The following PDZD2 variants were observed in gnomAD, a reference collection of about 807,000 sequenced individuals.
PDZD2 encodes the protein PDZ domain containing 2, also known as PDZ domain-containing protein 2.
In PDZD2, 90 loss-of-function variants were observed where a neutral mutation model predicts 220.7. That is an observed-to-expected ratio of 0.41 (90% CI 0.34 to 0.49). PDZD2 has a LOEUF of 0.49. Ranked by LOEUF, PDZD2 falls within the 20% of genes least tolerant of loss-of-function variation. The probability of loss-of-function intolerance (pLI) is 0.28; values close to 1 mark genes in which losing one functional copy is unlikely to be tolerated. For synonymous variants in PDZD2, 1,375 were observed against 1,450.5 expected (o/e 0.95, Z 1.18); for missense variants, 3,174 against 3,608.5 (o/e 0.88, Z 3.08).
intron 1 of PDZD2, among the ~76,000 whole-genome samples, chr5:31,703,230 T>G (rs1747673749): frequency 6.6e-6 from 1 of 152,200 alleles, no homozygotes; most frequent in African/African-American, 2.4e-5. Context: ...CCAACCCAAA[T>G]GCCCATTGAT....
chr5:31,856,227 C>T (rs1165346980), intron 2 of PDZD2, among the ~76,000 whole-genome samples: 1 of 152,096 alleles, frequency 6.6e-6, no homozygotes, highest in African/African-American at 2.4e-5. Flanking sequence ...TGTAGGCCTC[C>T]GTGGCTCCTT....
At chr5:31,725,876 CT>C in intron 1 of PDZD2, 1 of 762,386 alleles carries the variant, frequency 1.3e-6, no homozygotes, top group Non-Finnish European at 2.4e-6. Flanking sequence ...TCCAGTTGGT[CT>C]TTTTCTAGGA....
rs3843900 is a variant in PDZD2, at chr5:32,079,089, G to A, written c.3682+1483G>A. Among the ~76,000 whole-genome samples the A allele has an allele frequency of 7.0e-3, 1,066 of 151,318 alleles. 42 individuals carry two copies. Among genetic ancestry groups the A allele is most frequent in the Admixed American group, 0.065 (989 of 15,148 alleles). On this transcript the variant is annotated intron_variant, in intron 19 of 24. Coordinates refer to ENST00000438447, the MANE Select transcript of PDZD2 (RefSeq NM_178140.4). ...AGCCTGGCCAACATAGTGAAATCTC[G>A]CCTCTACTAAACATAAAAAAATTAG...
intron 1 of PDZD2, among the ~76,000 whole-genome samples, chr5:31,680,197 A>G (rs1170743217): frequency 6.6e-6 from 1 of 152,086 alleles, no homozygotes; most frequent in African/African-American, 2.4e-5. Flanking sequence ...GGGCTCGGGG[A>G]GGACAAGGCC....
intron 5 of PDZD2, among the ~76,000 whole-genome samples, chr5:32,009,407 T>A (rs1283182927): frequency 2.6e-5 from 4 of 151,672 alleles, no homozygotes; most frequent in African/African-American, 9.7e-5. Context: ...TTAGACAGCA[T>A]CCTGAAAGCA....
At chr5:31,885,017 G>A (rs960160653) in intron 2 of PDZD2, among the ~76,000 whole-genome samples, 3 of 151,978 alleles carry the variant, frequency 2.0e-5, no homozygotes, top group Admixed American at 6.6e-5. Context: ...TAAAGTGATA[G>A]ACCAAGAGAA....
intron 2 of PDZD2, among the ~76,000 whole-genome samples, chr5:31,815,245 C>CAAAAAAAAAAAAAAAAAAAAAA (rs59040987): frequency 8.6e-5 from 5 of 57,938 alleles, no homozygotes; most frequent in African/African-American, 3.4e-4. Flanking sequence ...AACTCTGTCT[C>CAAAAAAAAAAAAAAAAAAAAAA]AAAAAAAAAA....
intron 2 of PDZD2, among the ~76,000 whole-genome samples, chr5:31,877,261 G>A (rs934449773): frequency 7.0e-4 from 107 of 152,178 alleles, no homozygotes; most frequent in African/African-American, 2.3e-3. Context: ...TGTCACCCAG[G>A]CTGGAGTGCA....
intron 2 of PDZD2, among the ~76,000 whole-genome samples, chr5:31,978,721 A>G (rs1470533562): frequency 6.6e-6 from 1 of 151,860 alleles, no homozygotes; most frequent in Non-Finnish European, 1.5e-5. Context: ...TCTCAAAAAA[A>G]AAAAAAAGAA....
At chr5:31,855,074 C>A in intron 2 of PDZD2, 1 of 985,288 alleles carries the variant, frequency 1.0e-6, no homozygotes. Flanking sequence ...CGGAGACCGG[C>A]CTGGCGAGCG....
chr5:32,073,452 C>T (rs1740944985), intron 17 of PDZD2, among the ~76,000 whole-genome samples: 1 of 152,194 alleles, frequency 6.6e-6, no homozygotes, highest in Admixed American at 6.5e-5. Flanking sequence ...GACATGTCAT[C>T]AGTCCCCAGG....
chr5:31,855,133 G>A, intron 2 of PDZD2: 1 of 984,722 alleles, frequency 1.0e-6, no homozygotes, highest in South Asian at 4.7e-5. Flanking sequence ...AGGAGCTCCG[G>A]AGAGGAACCC....
chr5:31,689,873 T>C (rs1747048630), intron 1 of PDZD2, among the ~76,000 whole-genome samples: 1 of 152,164 alleles, frequency 6.6e-6, no homozygotes, highest in Admixed American at 6.5e-5. Context: ...TAGTCAATGC[T>C]GAAGGGTCTC....
At chr5:31,988,098 GC>G (rs1247517265) in intron 3 of PDZD2, among the ~76,000 whole-genome samples, 1 of 152,146 alleles carries the variant, frequency 6.6e-6, no homozygotes, top group Non-Finnish European at 1.5e-5. Context: ...TGTCCCAACT[GC>G]CACCAGAGGG....
chr5:31,737,166 T>C (rs1431875550), intron 1 of PDZD2, among the ~76,000 whole-genome samples: 1 of 137,242 alleles, frequency 7.3e-6, no homozygotes. Context: ...GCAGTCTACT[T>C]CTTTTTTTTT....
At chr5:31,945,117 G>T (rs1030497109) in intron 2 of PDZD2, among the ~76,000 whole-genome samples, 1 of 152,172 alleles carries the variant, frequency 6.6e-6, no homozygotes, top group Admixed American at 6.5e-5. Context: ...GAGTATCAGG[G>T]AGTAAAAATG....
At chr5:31,958,970 T>C (rs1234670439) in intron 2 of PDZD2, among the ~76,000 whole-genome samples, 1 of 151,750 alleles carries the variant, frequency 6.6e-6, no homozygotes, top group Non-Finnish European at 1.5e-5. Flanking sequence ...TCTCGCTCTG[T>C]CACCCAGGCT....
rs927226705 is a variant in PDZD2, at chr5:32,110,910, T to TAAAC, written c.*2777_*2780dup. On this transcript the variant is annotated 3_prime_UTR_variant, in exon 25 of 25. Coordinates refer to ENST00000438447, the MANE Select transcript of PDZD2 (RefSeq NM_178140.4). Reference sequence around the variant, plus strand: ...CTTTTTTAAGTAATTTTAAAAAAAATAAACACTCTGCTTACTACTTGATTT... The same window carrying TAAAC: ...CTTTTTTAAGTAATTTTAAAAAAAATAAACAAACACTCTGCTTACTACTTGATTT... 1 of 152,136 alleles carries TAAAC rather than the reference T, an allele frequency of 6.6e-6. No individual in the cohort carries two copies. The highest frequency in any genetic ancestry group is 1.5e-5 in the Non-Finnish European group (1 of 68,020). The allele number at this position is 152,136 out of a possible 1,614,324, so 9.4% of individuals were successfully genotyped here.
At chr5:32,011,090 A>C (rs570890924) in intron 6 of PDZD2, among the ~76,000 whole-genome samples, 2 of 151,994 alleles carry the variant, frequency 1.3e-5, no homozygotes, top group African/African-American at 2.4e-5. Context: ...GCTTTATAAT[A>C]TATACAAGGA....
Sources: allele counts gnomAD v4.1 joint callset (sites outside exome capture counted in the v4.1 genomes callset), GRCh38; gene constraint gnomAD v4.1.1; transcripts MANE v1.5; gene names NCBI Gene and HGNC (gene_info 2026-07-23, HGNC 2026-07-21).